The following GSE1 variants were observed in gnomAD, a reference collection of about 807,000 sequenced individuals.
GSE1 encodes the protein genetic suppressor element 1.
A neutral mutation model predicts 112.6 loss-of-function variants in GSE1; 32 were observed. That is an observed-to-expected ratio of 0.28 (90% CI 0.21 to 0.38). The LOEUF is 0.38. Among genes scored for constraint, GSE1 ranks in the 10% least tolerant of loss-of-function variants. The pLI is 1.00. For missense variants in GSE1, 2,348 were observed against 1,699.2 expected (o/e 1.38, Z -6.71); for synonymous variants, 1,115 against 735.6 (o/e 1.52, Z -8.35).
At chr16:85,245,767 G>C (rs1430245992) in intron 1 of GSE1, among the ~76,000 whole-genome samples, 3 of 152,070 alleles carry the variant, frequency 2.0e-5, no homozygotes, top group African/African-American at 4.8e-5. Flanking sequence ...GGCACCGCCT[G>C]GGGGGTGCCT....
intron 2 of GSE1, among the ~76,000 whole-genome samples, chr16:85,534,440 A>G (rs1309875633): frequency 6.6e-6 from 1 of 152,156 alleles, no homozygotes; most frequent in African/African-American, 2.4e-5. Flanking sequence ...TTTTTAAAAC[A>G]TTATGGTAAA....
intron 1 of GSE1, among the ~76,000 whole-genome samples, chr16:85,572,296 AACACACACCACATACCACACAACACACC>A (rs1334358872): frequency 0.016 from 2,209 of 140,972 alleles, 57 homozygotes; most frequent in African/African-American, 0.056. Flanking sequence ...CCCCACACAC[AACACACACCACATACCACACAACACACC>A]ACACACACCA....
chr16:85,323,624 C>G (rs1292263323), intron 1 of GSE1, among the ~76,000 whole-genome samples: 3 of 152,176 alleles, frequency 2.0e-5, no homozygotes, highest in African/African-American at 7.2e-5. Flanking sequence ...CCTGCCAACT[C>G]TCAGAGGCTC....
At chr16:85,241,668 A>G (rs769722772) in intron 1 of GSE1, among the ~76,000 whole-genome samples, 1 of 152,166 alleles carries the variant, frequency 6.6e-6, no homozygotes, top group African/African-American at 2.4e-5. Context: ...ATTCAAACTC[A>G]GGTCTGCATG....
At chr16:85,260,989 G>A (rs1907627500) in intron 1 of GSE1, among the ~76,000 whole-genome samples, 1 of 152,234 alleles carries the variant, frequency 6.6e-6, no homozygotes, top group Non-Finnish European at 1.5e-5. Context: ...CATCTTGGGA[G>A]GGGGCATTCA....
intron 2 of GSE1, among the ~76,000 whole-genome samples, chr16:85,478,814 T>G (rs1017290910): frequency 2.7e-5 from 4 of 150,324 alleles, no homozygotes; most frequent in African/African-American, 7.3e-5. Flanking sequence ...ATTACAACCA[T>G]GCACCACCAT....
intron 2 of GSE1, among the ~76,000 whole-genome samples, chr16:85,366,285 C>CTG (rs2047183860): frequency 6.6e-6 from 1 of 152,264 alleles, no homozygotes; most frequent in Admixed American, 6.5e-5. Flanking sequence ...CTGGATTTGG[C>CTG]TGTGGCTTCT....
intron 1 of GSE1, among the ~76,000 whole-genome samples, chr16:85,334,422 C>A (rs893937635): frequency 8.5e-5 from 13 of 152,348 alleles, no homozygotes; most frequent in African/African-American, 3.1e-4. Context: ...TGCCAAGGTC[C>A]CGCACTTGGG....
intron 1 of GSE1, among the ~76,000 whole-genome samples, chr16:85,235,406 T>G (rs1904496151): frequency 1.7e-5 from 2 of 116,804 alleles, no homozygotes; most frequent in South Asian, 6.0e-4. Context: ...GGGGGTGGGG[T>G]GAGGGGGGTG....
At chr16:85,361,342 C>T (rs1213735325) in intron 2 of GSE1, among the ~76,000 whole-genome samples, 1 of 143,764 alleles carries the variant, frequency 7.0e-6, no homozygotes, top group African/African-American at 2.6e-5. Context: ...CACACACACA[C>T]ACACAGGGGC....
At chr16:85,336,962 A>G (rs1597425348) in intron 1 of GSE1, among the ~76,000 whole-genome samples, 2 of 151,696 alleles carry the variant, frequency 1.3e-5, no homozygotes, top group African/African-American at 4.8e-5. Flanking sequence ...TTGTATACAC[A>G]TAGGCACACA....
chr16:85,444,235 C>T (rs776564711), intron 2 of GSE1, among the ~76,000 whole-genome samples: 1 of 152,154 alleles, frequency 6.6e-6, no homozygotes, highest in African/African-American at 2.4e-5. Context: ...CCTCCCGCCT[C>T]GGCCTCCCAA....
At chr16:85,443,716 C>A (rs1429813555) in intron 2 of GSE1, among the ~76,000 whole-genome samples, 1 of 152,226 alleles carries the variant, frequency 6.6e-6, no homozygotes, top group Admixed American at 6.5e-5. Flanking sequence ...GCTGGAGAGT[C>A]CTCGCACCAG....
intron 1 of GSE1, among the ~76,000 whole-genome samples, chr16:85,199,731 A>G (rs1439182862): frequency 6.6e-6 from 1 of 152,050 alleles, no homozygotes; most frequent in African/African-American, 2.4e-5. Flanking sequence ...ACATTGGGAC[A>G]TTCTATTCAG....
chr16:85,527,186 C>T (rs567675608), intron 2 of GSE1, among the ~76,000 whole-genome samples: 8 of 152,342 alleles, frequency 5.3e-5, no homozygotes, highest in African/African-American at 1.4e-4. Context: ...GCTTCCCCCT[C>T]GTGAGGAACC....
chr16:85,482,153 G>T (rs1353465711), intron 2 of GSE1, among the ~76,000 whole-genome samples: 1 of 152,236 alleles, frequency 6.6e-6, no homozygotes, highest in Non-Finnish European at 1.5e-5. Flanking sequence ...ATGATGCTCA[G>T]TGTCTCCAGG....
At chr16:85,484,246 C>G (rs940392057) in intron 2 of GSE1, among the ~76,000 whole-genome samples, 1 of 152,218 alleles carries the variant, frequency 6.6e-6, no homozygotes, top group Non-Finnish European at 1.5e-5. Context: ...GCCTCTCTGC[C>G]TTTCTCCTCC....
chr16:85,463,481 C>T (rs531991220), intron 2 of GSE1, among the ~76,000 whole-genome samples: 173 of 152,352 alleles, frequency 1.1e-3, no homozygotes, highest in African/African-American at 3.8e-3. Context: ...TTAGCCTGGC[C>T]ATGCGGCTCC....
intron 7 of GSE1, among the ~76,000 whole-genome samples, chr16:85,656,979 C>G (rs1320233552): frequency 6.6e-6 from 1 of 152,222 alleles, no homozygotes; most frequent in Non-Finnish European, 1.5e-5. Flanking sequence ...TAACAACCAG[C>G]TTTTGCATGT....
Sources: allele counts gnomAD v4.1 joint callset (sites outside exome capture counted in the v4.1 genomes callset), GRCh38; gene constraint gnomAD v4.1.1; transcripts MANE v1.5; gene names NCBI Gene and HGNC (gene_info 2026-07-23, HGNC 2026-07-21).